Variants in CPS1 observed in about 807,000 individuals in gnomAD.
CPS1 encodes the protein carbamoyl-phosphate synthase [ammonia], mitochondrial.
CPS1 carries 109 observed loss-of-function variants against 174.6 expected under a neutral mutation model. The ratio of observed to expected loss-of-function variants is 0.62; its 90% CI spans 0.53 to 0.73. The LOEUF (loss-of-function observed/expected upper bound fraction) is 0.73. CPS1 is among the 30% of genes least tolerant of loss of function. CPS1 has a pLI of 0.00. For synonymous variants in CPS1, 637 were observed against 632.0 expected (o/e 1.01, Z -0.12); for missense variants, 1,689 against 1,821.9 (o/e 0.93, Z 1.33).
At chr2:210,604,143 C>A (rs572543062) in intron 16 of CPS1, among the ~76,000 whole-genome samples, 2 of 151,924 alleles carry the variant, frequency 1.3e-5, no homozygotes, top group South Asian at 4.2e-4. Context: ...AGAACCTCAT[C>A]GTGGGCAGCT....
At chr2:210,610,838 G>A (rs895572037) in intron 19 of CPS1, among the ~76,000 whole-genome samples, 3 of 148,160 alleles carry the variant, frequency 2.0e-5, no homozygotes, top group Non-Finnish European at 3.0e-5. Flanking sequence ...TGTTATACAC[G>A]TTTTTTTTTT....
chr2:210,547,775 T>C (rs145879581), intron 1 of CPS1, among the ~76,000 whole-genome samples: 1 of 152,068 alleles, frequency 6.6e-6, no homozygotes, highest in African/African-American at 2.4e-5. Context: ...TTAGTGAATC[T>C]GTTTACCTGG....
At chr2:210,560,610 T>C (rs1287408388) in intron 1 of CPS1, among the ~76,000 whole-genome samples, 1 of 152,194 alleles carries the variant, frequency 6.6e-6, no homozygotes. Context: ...GTAGTCATTA[T>C]TTCTTTTGAA....
Position 210,605,263 on chromosome 2 carries a change from C to T in CPS1, c.1981+17C>T, listed in dbSNP as rs2105847594. On this transcript the variant is annotated intron_variant, in intron 17 of 37. Coordinates refer to ENST00000233072, the MANE Select transcript of CPS1 (RefSeq NM_001875.5). ...TTCACACAGGTAGGCAAAGTATCTT[C>T]AAGAACTATAGTAATGCTTTCAGTT... 6.2e-7 allele frequency: 1 copy of T among 1,611,348 alleles called. No individual in the cohort carries two copies. The highest frequency in any genetic ancestry group is 1.3e-5 in the African/African-American group (1 of 74,846).
Position 210,640,021 on chromosome 2 carries a change from A to G in CPS1, c.2921A>G (p.His974Arg), listed in dbSNP as rs753910222. ...GQEHDVNFDD[H>R]GMMVLGCGPY... is the part of the protein sequence containing the mutation. ...GAGCATGATGTCAATTTTGATGACCATGGAATGATGGTGCTAGGCTGTGGT... is the reference window on the plus strand; with the variant it reads ...GAGCATGATGTCAATTTTGATGACCGTGGAATGATGGTGCTAGGCTGTGGT... The change falls in exon 24 of 38, where the codon CAT (histidine) becomes CGT (arginine). Residue 974 changes from histidine to arginine, a missense_variant. Physicochemically the swap from His to Arg is conservative, Grantham distance 29 (BLOSUM62 0). Transcript: ENST00000233072. 1.9e-5 allele frequency: 30 copies of G among 1,611,498 alleles called. No individual in the cohort carries two copies. Among genetic ancestry groups the G allele is most frequent in the African/African-American group, 4.0e-5 (3 of 74,850 alleles).
At chr2:210,510,714 G>A (rs1298785412) in intron 1 of CPS1, among the ~76,000 whole-genome samples, 2 of 152,138 alleles carry the variant, frequency 1.3e-5, no homozygotes, top group Non-Finnish European at 2.9e-5. Flanking sequence ...TCAACAAGTG[G>A]GCGAAGGATA....
intron 17 of CPS1, among the ~76,000 whole-genome samples, chr2:210,605,713 C>CA (rs1431445361): frequency 6.6e-6 from 1 of 151,152 alleles, no homozygotes; most frequent in Non-Finnish European, 1.5e-5. Flanking sequence ...GCAGAGCTGT[C>CA]AAAAAAGGGA....
At chr2:210,669,518 A>T (rs1701224008) in intron 34 of CPS1, among the ~76,000 whole-genome samples, 1 of 152,136 alleles carries the variant, frequency 6.6e-6, no homozygotes. Context: ...ATTCCATCTC[A>T]TTAGGGTGTC....
At chr2:210,555,609 C>T (rs1443485123), upstream of CPS1, 5 of 455,456 alleles carry the variant, frequency 1.1e-5, no homozygotes, top group Non-Finnish European at 2.2e-5. Context: ...AGCTTACAAT[C>T]TTTATGTCAT....
upstream of CPS1, among the ~76,000 whole-genome samples, chr2:210,554,095 A>G (rs367933428): frequency 7.1e-3 from 1,040 of 146,274 alleles, 7 homozygotes; most frequent in East Asian, 0.013. Flanking sequence ...ATGTATATGT[A>G]TGTATATACA....
Position 210,600,570 on chromosome 2 carries a change from A to G in CPS1, c.1565A>G (p.Lys522Arg). 1.9e-6 allele frequency: 3 copies of G among 1,612,154 alleles called. No individual in the cohort carries two copies. The highest frequency in any genetic ancestry group is 1.3e-5 in the African/African-American group (1 of 74,882). ...TALNCGVELF[K>R]RGVLKEYGVK... ...TCTTCTTTAGGAGTGGAACTATTCA[A>G]GAGAGGTGTGCTCAAGGAATATGGT... The change falls in exon 15 of 38, where the codon AAG becomes AGG. Residue 522 changes from lysine to arginine, a missense_variant. Coordinates refer to ENST00000233072, the MANE Select transcript of CPS1 (RefSeq NM_001875.5).
At chr2:210,621,517 C>T (rs375140621) in intron 21 of CPS1, among the ~76,000 whole-genome samples, 9 of 152,044 alleles carry the variant, frequency 5.9e-5, no homozygotes, top group African/African-American at 1.2e-4. Flanking sequence ...CCAATGCCGA[C>T]GCTTTCACAT....
At chr2:210,596,599 A>T (rs1044671890) in intron 13 of CPS1, among the ~76,000 whole-genome samples, 1 of 151,870 alleles carries the variant, frequency 6.6e-6, no homozygotes, top group South Asian at 2.1e-4. Flanking sequence ...ATTCATGTGC[A>T]TGCATACTCA....
upstream of CPS1, among the ~76,000 whole-genome samples, chr2:210,552,508 TA>T (rs1466016016): frequency 6.6e-6 from 1 of 152,060 alleles, no homozygotes; most frequent in Non-Finnish European, 1.5e-5. Context: ...TCTGATTCAT[TA>T]CTTAGGAACA....
intron 4 of CPS1, among the ~76,000 whole-genome samples, chr2:210,578,442 G>A (rs972542908): frequency 7.2e-5 from 11 of 152,072 alleles, no homozygotes; most frequent in Admixed American, 3.9e-4. Flanking sequence ...TGAAAAAAGA[G>A]CATTTGCCTT....
intron 19 of CPS1, among the ~76,000 whole-genome samples, chr2:210,609,389 C>T (rs1201543287): frequency 6.6e-6 from 1 of 151,948 alleles, no homozygotes; most frequent in Non-Finnish European, 1.5e-5. Context: ...GGATATTACT[C>T]TTGGCATTGC....
At chr2:210,642,705 A>C in intron 25 of CPS1, 40 bp downstream of exon 25, 2 of 1,554,192 alleles carry the variant, frequency 1.3e-6, no homozygotes, top group Middle Eastern at 1.8e-4. Flanking sequence ...AAAAGAAGAC[A>C]GATATATGTA....
chr2:210,603,187 T>A (rs1169222870), intron 16 of CPS1, among the ~76,000 whole-genome samples: 1 of 151,882 alleles, frequency 6.6e-6, no homozygotes, highest in Non-Finnish European at 1.5e-5. Context: ...GTCATAGAAG[T>A]GAATTTGACA....
Position 210,606,721 on chromosome 2 carries a change from G to T in CPS1, c.1982-10G>T, listed in dbSNP as rs2105849819. 1.2e-6 allele frequency: 2 copies of T among 1,611,672 alleles called. No individual in the cohort carries two copies. ...TGCCACCAAGTAATGAGTGCTTCTT[G>T]GATATATAGGTGACTCAGTTGTTGT... On this transcript the variant is annotated splice_polypyrimidine_tract_variant and intron_variant, in intron 17 of 37. Coordinates refer to ENST00000233072, the MANE Select transcript of CPS1 (RefSeq NM_001875.5).
Sources: allele counts gnomAD v4.1 joint callset (sites outside exome capture counted in the v4.1 genomes callset), GRCh38; gene constraint gnomAD v4.1.1; transcripts MANE v1.5; gene names NCBI Gene and HGNC (gene_info 2026-07-23, HGNC 2026-07-21).